SPI1: variants seen among roughly 807,000 people sequenced by gnomAD.
SPI1 encodes the protein transcription factor PU.1.
In SPI1, 3 loss-of-function variants were observed where a neutral mutation model predicts 30.7. The ratio of observed to expected loss-of-function variants is 0.10; its 90% CI spans 0.04 to 0.25. SPI1 has a LOEUF of 0.25. SPI1 is among the 10% of genes least tolerant of loss of function. The pLI is 1.00. For synonymous variants in SPI1, 169 were observed against 157.1 expected (o/e 1.08, Z -0.56); for missense variants, 261 against 371.5 (o/e 0.70, Z 2.45).
chr11:47,370,724 G>T (rs949430980), intron 2 of SPI1, among the ~76,000 whole-genome samples: 1 of 152,076 alleles, frequency 6.6e-6, no homozygotes, highest in Non-Finnish European at 1.5e-5. Flanking sequence ...ATAATTAAAA[G>T]AAATATGGAT....
intron 1 of SPI1, among the ~76,000 whole-genome samples, chr11:47,376,911 A>T (rs1312631237): frequency 6.6e-6 from 1 of 152,150 alleles, no homozygotes; most frequent in African/African-American, 2.4e-5. Flanking sequence ...TGGCCCAAGG[A>T]GCTCTGCCAC....
At position 47,355,196 on chromosome 11, in the gene SPI1, G is replaced by A. The variant is rs1253542516; in HGVS notation, c.*31C>T. On this transcript the variant is annotated 3_prime_UTR_variant, in exon 5 of 5. Transcript: ENST00000378538. ...GGCTTAATGCTATGGCCAGCGGGGA[G>A]GCCTGGCGGGGCCCGGCGGGGGCTG... 2 of 1,317,006 alleles carry A rather than the reference G, an allele frequency of 1.5e-6. No individual in the cohort carries two copies. Among genetic ancestry groups the A allele is most frequent in the Admixed American group, 4.2e-5 (1 of 24,094 alleles). 81.6% of individuals were successfully genotyped at this position (1,317,006 alleles called of 1,614,324 possible). A position where few individuals can be genotyped will look rare whatever the true frequency, so the allele number is the denominator to read the frequency against.
chr11:47,360,012 G>A lies in SPI1; in HGVS notation c.171C>T (p.His57=), dbSNP rs372814106. The change falls in exon 3 of 5, where the codon CAC becomes CAT. Residue 57 remains histidine, a synonymous_variant. Coordinates refer to ENST00000378538, the MANE Select transcript of SPI1 (RefSeq NM_003120.3). ...SDHYWDFHPH[H]VHSEFESFAE... ...CGAAGCTCTCGAACTCGCTGTGCAC[G>A]TGGTGGGGGTGGAAGTCCCAGTAAT... 113 of 1,588,134 alleles carry A rather than the reference G, an allele frequency of 7.1e-5. No individual in the cohort carries two copies. The highest frequency in any genetic ancestry group is 8.1e-5 in the Non-Finnish European group (94 of 1,165,796).
intron 4 of SPI1, among the ~76,000 whole-genome samples, chr11:47,356,246 C>G (rs1196668581): frequency 1.3e-5 from 2 of 151,336 alleles, no homozygotes; most frequent in Non-Finnish European, 3.0e-5. Flanking sequence ...AACATGCCCC[C>G]ACACACTGGC....
chr11:47,358,316 G>A (rs2095915138), intron 4 of SPI1: 1 of 533,364 alleles, frequency 1.9e-6, no homozygotes, highest in African/African-American at 1.9e-5. Flanking sequence ...CCTGCTTACA[G>A]CCACTCACAT....
At chr11:47,356,831 TACTC>T (rs929848384) in intron 4 of SPI1, among the ~76,000 whole-genome samples, 16 of 146,006 alleles carry the variant, frequency 1.1e-4, no homozygotes, top group African/African-American at 3.3e-4. Context: ...CATCTCACGT[TACTC>T]AGCCCCACAC....
At chr11:47,358,787 G>A (rs2095916177) in intron 4 of SPI1, 57 bp downstream of exon 4, 1 of 1,525,378 alleles carries the variant, frequency 6.6e-7, no homozygotes, top group Non-Finnish European at 8.9e-7. Context: ...GGCTGGGTGG[G>A]GGCAGGGCAC....
intron 2 of SPI1, among the ~76,000 whole-genome samples, chr11:47,366,356 G>A (rs1374469307): frequency 1.3e-5 from 2 of 152,158 alleles, no homozygotes; most frequent in African/African-American, 4.8e-5. Flanking sequence ...CAAGCCTTAA[G>A]TGTCATTCAG....
chr11:47,362,570 CTTTTTTTTT>C (rs377422572), intron 2 of SPI1, among the ~76,000 whole-genome samples: 1,138 of 108,052 alleles, frequency 0.011, 23 homozygotes, highest in African/African-American at 0.039. Context: ...GACCCTGTCT[CTTTTTTTTT>C]TTTTTTTTTT....
intron 2 of SPI1, among the ~76,000 whole-genome samples, chr11:47,366,268 C>G (rs2020057): frequency 1 from 151,602 of 152,302 alleles, 75,456 homozygotes; most frequent in Middle Eastern, 1. Context: ...GTCTTACTCA[C>G]TTTTTTGGTG....
chr11:47,361,594 G>A (rs2095920845), intron 2 of SPI1, among the ~76,000 whole-genome samples: 1 of 152,180 alleles, frequency 6.6e-6, no homozygotes, highest in African/African-American at 2.4e-5. Context: ...AAAGTGACAA[G>A]ATCGGCTGTC....
chr11:47,355,092 C>T lies in SPI1; in HGVS notation c.*135G>A. 2.3e-6 allele frequency: 1 copy of T among 436,252 alleles called. No homozygotes were observed. The highest frequency in any genetic ancestry group is 3.2e-6 in the Non-Finnish European group (1 of 314,778). 27.0% of individuals were successfully genotyped at this position (436,252 alleles called of 1,614,324 possible). A position where few individuals can be genotyped will look rare whatever the true frequency, so the allele number is the denominator to read the frequency against. On this transcript the variant is annotated 3_prime_UTR_variant, in exon 5 of 5. Coordinates refer to ENST00000378538, the MANE Select transcript of SPI1 (RefSeq NM_003120.3). ...GGGGGCCTGGAGTGGGGGGAGGGGG[C>T]GGGTGAGGCGAGGCCCGGCCCGCCA...
intron 4 of SPI1, among the ~76,000 whole-genome samples, chr11:47,356,209 A>T (rs1190537582): frequency 1.3e-5 from 2 of 150,494 alleles, no homozygotes; most frequent in East Asian, 3.9e-4. Context: ...GCTCACACTC[A>T]CACACATGCT....
At position 47,359,604 on chromosome 11, in the gene SPI1, G is replaced by A. The variant is rs2095917533; in HGVS notation, c.330+249C>T. On this transcript the variant is annotated intron_variant, in intron 3 of 4. Transcript: ENST00000378538. The surrounding 1 kb of genome is among the most constrained non-coding windows in gnomAD (Gnocchi z 5.1). ...GGGCCCACAACAAGGCGTTGGGATGGGGAGGCTTGGTGAGGGTGCGAGAAT... is the reference window on the plus strand; with the variant it reads ...GGGCCCACAACAAGGCGTTGGGATGAGGAGGCTTGGTGAGGGTGCGAGAAT... Among the ~76,000 whole-genome samples, 1 of 152,116 alleles carries A rather than the reference G, an allele frequency of 6.6e-6. No homozygotes were observed. Among genetic ancestry groups the A allele is most frequent in the African/African-American group, 2.4e-5 (1 of 41,404 alleles).
At chr11:47,371,676 A>G (rs2095936209) in intron 2 of SPI1, among the ~76,000 whole-genome samples, 1 of 151,722 alleles carries the variant, frequency 6.6e-6, no homozygotes, top group South Asian at 2.1e-4. Flanking sequence ...TTAAAAAAAA[A>G]AAAAAAGATT....
At chr11:47,357,350 TCA>T (rs60205440) in intron 4 of SPI1, among the ~76,000 whole-genome samples, 45,432 of 81,964 alleles carry the variant, frequency 0.55, 6,981 homozygotes, top group Middle Eastern at 0.61. Context: ...CACTCATATT[TCA>T]CACCACTTAC....
chr11:47,355,732 A>G (rs71475909), intron 4 of SPI1, among the ~76,000 whole-genome samples, 186 bp from the exon 5 acceptor site: 39,012 of 150,944 alleles, frequency 0.26, 6,352 homozygotes, highest in Non-Finnish European at 0.37. Context: ...ATGCTTGCGC[A>G]CACACAGGCG....
At chr11:47,377,399 G>A (rs1260203012) in intron 1 of SPI1, among the ~76,000 whole-genome samples, 2 of 152,146 alleles carry the variant, frequency 1.3e-5, no homozygotes, top group African/African-American at 2.4e-5. Context: ...AGGTCATGGG[G>A]TGGGAAAAGG....
chr11:47,358,259 C>T (rs2095914951), intron 4 of SPI1: 2 of 444,604 alleles, frequency 4.5e-6, no homozygotes, highest in Non-Finnish European at 8.3e-6. Flanking sequence ...TACACTTGCT[C>T]ACACACCTGC....
Sources: allele counts gnomAD v4.1 joint callset (sites outside exome capture counted in the v4.1 genomes callset), GRCh38; gene constraint gnomAD v4.1.1; non-coding constraint Gnocchi (gnomAD v3.1); transcripts MANE v1.5; gene names NCBI Gene and HGNC (gene_info 2026-07-23, HGNC 2026-07-21).